The following RBFOX2 variants were observed in gnomAD, a reference collection of about 807,000 sequenced individuals.
RBFOX2 encodes RNA binding protein fox-1 homolog 2.
A neutral mutation model predicts 49.1 loss-of-function variants in RBFOX2; 10 were observed. That is an observed-to-expected ratio of 0.20 (90% CI 0.13 to 0.35). The LOEUF is 0.35. Ranked by LOEUF, RBFOX2 falls within the 10% of genes least tolerant of loss-of-function variation. The pLI is 1.00. For missense variants in RBFOX2, 323 were observed against 486.9 expected (o/e 0.66, Z 3.17); for synonymous variants, 183 against 187.4 (o/e 0.98, Z 0.19).
chr22:35,764,584 CAAA>C (rs1176043873), intron 6 of RBFOX2, among the ~76,000 whole-genome samples: 4 of 60,778 alleles, frequency 6.6e-5, no homozygotes, highest in Non-Finnish European at 7.0e-5. Flanking sequence ...GACTCCGTCT[CAAA>C]AAAAAAAAAA....
intron 1 of RBFOX2, among the ~76,000 whole-genome samples, chr22:35,973,852 G>A (rs886302300): frequency 1.1e-4 from 16 of 152,168 alleles, no homozygotes; most frequent in Non-Finnish European, 1.8e-4. Flanking sequence ...CACGGCATAG[G>A]GGACCGACCA....
chr22:35,960,192 AAT>A (rs769783646), intron 1 of RBFOX2, among the ~76,000 whole-genome samples: 2 of 152,210 alleles, frequency 1.3e-5, no homozygotes, highest in East Asian at 3.8e-4. Context: ...TACCGACAAT[AAT>A]CACAGCAAGC....
chr22:35,770,671 C>T (rs551556819), intron 4 of RBFOX2, among the ~76,000 whole-genome samples: 1 of 152,198 alleles, frequency 6.6e-6, no homozygotes, highest in East Asian at 1.9e-4. Context: ...AAGTATCTTC[C>T]ATAACCTTCT....
chr22:35,816,063 T>A (rs910966081), intron 1 of RBFOX2, among the ~76,000 whole-genome samples: 2 of 152,076 alleles, frequency 1.3e-5, no homozygotes, highest in South Asian at 4.1e-4. Context: ...TCATCTAGGA[T>A]CCGTTTTTTT....
intron 1 of RBFOX2, among the ~76,000 whole-genome samples, chr22:35,989,941 G>A (rs879778861): frequency 2.0e-5 from 3 of 152,166 alleles, no homozygotes; most frequent in Non-Finnish European, 2.9e-5. Context: ...CAGCAGTTTG[G>A]GAGGCCAAGG....
intron 6 of RBFOX2, among the ~76,000 whole-genome samples, chr22:35,762,543 G>C (rs935473622): frequency 7.3e-5 from 9 of 124,086 alleles, no homozygotes; most frequent in Non-Finnish European, 1.4e-4. Flanking sequence ...GTCTTGCTCT[G>C]TCACCCAGGC....
chr22:35,967,390 T>TA (rs74267838), intron 1 of RBFOX2, among the ~76,000 whole-genome samples: 144 of 113,548 alleles, frequency 1.3e-3, no homozygotes, highest in Admixed American at 2.5e-3. Flanking sequence ...AATAAAAAAT[T>TA]AAAAAAAAAA....
chr22:35,804,259 C>T (rs562854471), intron 2 of RBFOX2, among the ~76,000 whole-genome samples: 1 of 151,136 alleles, frequency 6.6e-6, no homozygotes, highest in Non-Finnish European at 1.5e-5. Flanking sequence ...GCCTGGGCAA[C>T]AGAGCAAGAC....
chr22:35,750,875 C>T (rs925170951), intron 9 of RBFOX2, among the ~76,000 whole-genome samples: 1 of 152,172 alleles, frequency 6.6e-6, no homozygotes, highest in African/African-American at 2.4e-5. Flanking sequence ...ACTTCAAGTT[C>T]CAGCTTCTTC....
intron 1 of RBFOX2, among the ~76,000 whole-genome samples, chr22:35,968,172 A>G (rs1477573203): frequency 2.6e-5 from 4 of 152,316 alleles, no homozygotes; most frequent in Non-Finnish European, 4.4e-5. Context: ...GAGATCAAAT[A>G]TATCTATGGC....
At chr22:35,785,784 A>C (rs1184040516) in intron 2 of RBFOX2, among the ~76,000 whole-genome samples, 1 of 152,224 alleles carries the variant, frequency 6.6e-6, no homozygotes, top group Non-Finnish European at 1.5e-5. Context: ...GTTCTGTGAA[A>C]GTGTACGGTT....
At chr22:35,963,059 CAAAAAAAAAAAAAAAA>C (rs34027896), upstream of RBFOX2, among the ~76,000 whole-genome samples, 62 of 33,598 alleles carry the variant, frequency 1.8e-3, no homozygotes, top group African/African-American at 5.3e-3. Context: ...AACTCTCCAG[CAAAAAAAAAAAAAAAA>C]AAAAAAAAAA....
intron 1 of RBFOX2, among the ~76,000 whole-genome samples, chr22:35,957,547 T>A (rs143282034): frequency 5.4e-4 from 83 of 152,334 alleles, no homozygotes; most frequent in Non-Finnish European, 1.0e-3. Flanking sequence ...ACAGAGCTAG[T>A]CTAAGAAGCA....
At position 36,021,035 on chromosome 22, in the gene RBFOX2, G is replaced by A. The variant is rs532773629; in HGVS notation, c.186+7205C>T. Among the ~76,000 whole-genome samples, 4 of 152,066 alleles carry A rather than the reference G, an allele frequency of 2.6e-5. No individual in the cohort carries two copies. In the East Asian group the frequency reaches 7.7e-4, roughly 29 times the overall value. On this transcript the variant is annotated intron_variant, in intron 1 of 13. Coordinates refer to the RBFOX2 transcript ENST00000438146. The stretch of plus-strand genomic sequence containing the variant: ...TGATAAATTGGATTAAGAAAATGTG[G>A]CACATATACACCATGGAATACCATG...
intron 1 of RBFOX2, among the ~76,000 whole-genome samples, chr22:35,862,034 T>C (rs890782482): frequency 3.9e-5 from 6 of 152,202 alleles, no homozygotes; most frequent in Non-Finnish European, 7.3e-5. Flanking sequence ...ACAGTACTTA[T>C]TGTATGAGTC....
chr22:35,919,884 C>T (rs956344644), intron 1 of RBFOX2, among the ~76,000 whole-genome samples: 3 of 152,226 alleles, frequency 2.0e-5, no homozygotes, highest in Non-Finnish European at 2.9e-5. Flanking sequence ...CTCAGGTTTA[C>T]ACCTTTCCTA....
intron 2 of RBFOX2, among the ~76,000 whole-genome samples, chr22:35,782,423 G>A (rs1310748387): frequency 1.3e-5 from 2 of 152,116 alleles, no homozygotes; most frequent in Non-Finnish European, 2.9e-5. Context: ...CCGGGTTCAC[G>A]CCATTCTCCT....
chr22:35,818,592 T>C (rs1175519866), intron 1 of RBFOX2, among the ~76,000 whole-genome samples: 2 of 152,160 alleles, frequency 1.3e-5, no homozygotes, highest in African/African-American at 4.8e-5. Context: ...AAGACCAGCC[T>C]GGGCAACATA....
chr22:35,913,508 T>C (rs1335542059), intron 1 of RBFOX2, among the ~76,000 whole-genome samples: 1 of 150,016 alleles, frequency 6.7e-6, no homozygotes, highest in East Asian at 2.0e-4. Flanking sequence ...TGTGTGTGTA[T>C]ACATATATAA....
Sources: gnomAD v4.1 joint callset for allele counts (sites outside exome capture counted in the v4.1 genomes callset) on GRCh38, gnomAD v4.1.1 for gene constraint, MANE v1.5 for transcripts, NCBI Gene and HGNC (gene_info 2026-07-23, HGNC 2026-07-21) for gene names.